The following OPRD1 variants were observed in gnomAD, a reference collection of about 807,000 sequenced individuals.
The protein encoded by OPRD1 is delta-type opioid receptor.
OPRD1 carries 19 observed loss-of-function variants against 17.5 expected under a neutral mutation model. The observed-to-expected ratio is 1.09, with a 90% CI of 0.76 to 1.60. The LOEUF (loss-of-function observed/expected upper bound fraction) is 1.60, where lower values mean the gene tolerates loss of function less well. OPRD1 is among the 40% of genes most tolerant of loss of function. The pLI, the probability that OPRD1 is intolerant of heterozygous loss-of-function variation, is 0.00. For missense variants in OPRD1, 483 were observed against 547.2 expected (o/e 0.88, Z 1.17); for synonymous variants, 256 against 240.9 (o/e 1.06, Z -0.58).
intron 1 of OPRD1, among the ~76,000 whole-genome samples, chr1:28,823,387 G>GTTTATTTATTTATTTA (rs3079037): frequency 1.8e-3 from 259 of 141,006 alleles, no homozygotes; most frequent in African/African-American, 3.9e-3. Flanking sequence ...TTATTTGTTT[G>GTTTATTTATTTATTTA]TTTATTTATT....
chr1:28,821,010 C>A (rs1295245952), intron 1 of OPRD1, among the ~76,000 whole-genome samples: 1 of 152,090 alleles, frequency 6.6e-6, no homozygotes, highest in African/African-American at 2.4e-5. Context: ...TATCCATAAT[C>A]CTACCACAGA....
Position 28,862,796 on chromosome 1 carries a change from C to A in OPRD1, c.632C>A (p.Thr211Lys), listed in dbSNP as rs1355470926. The stretch of plus-strand genomic sequence containing the variant: ...CCCAGCCCCAGCTGGTACTGGGACA[C>A]GGTGACCAAGATCTGCGTGTTCCTC... ...QFPSPSWYWD[T>K]VTKICVFLFA... The change falls in exon 3 of 3, where the codon ACG becomes AAG. Residue 211 changes from threonine (T) to lysine (K), a missense_variant. Coordinates refer to ENST00000234961, the MANE Select transcript of OPRD1 (RefSeq NM_000911.4). 2.5e-6 allele frequency: 4 copies of A among 1,613,288 alleles called. No individual in the cohort carries two copies. The highest frequency in any genetic ancestry group is 1.3e-5 in the African/African-American group (1 of 74,952).
chr1:28,825,382 C>G (rs1324134900), intron 1 of OPRD1, among the ~76,000 whole-genome samples: 5 of 151,598 alleles, frequency 3.3e-5, no homozygotes, highest in African/African-American at 1.2e-4. Context: ...CTTGGGAACA[C>G]AAGAAGTAGG....
chr1:28,846,858 C>CTT (rs367638096), intron 1 of OPRD1, among the ~76,000 whole-genome samples: 1 of 54,360 alleles, frequency 1.8e-5, no homozygotes, highest in Non-Finnish European at 4.3e-5. Context: ...TTCTTTCTTT[C>CTT]TTTCTTTCTT....
chr1:28,823,934 T>C (rs922921656), intron 1 of OPRD1, among the ~76,000 whole-genome samples: 3 of 146,208 alleles, frequency 2.1e-5, no homozygotes, highest in Non-Finnish European at 3.0e-5. Flanking sequence ...TCGCAGCACT[T>C]TGGGAGGCTG....
intron 1 of OPRD1, among the ~76,000 whole-genome samples, chr1:28,822,573 C>A (rs426997): frequency 2.6e-5 from 4 of 151,954 alleles, no homozygotes; most frequent in African/African-American, 9.7e-5. Context: ...CTCTGCTCCC[C>A]TGGGTTCAAG....
intron 1 of OPRD1, among the ~76,000 whole-genome samples, chr1:28,822,238 C>T (rs556099299): frequency 1.7e-4 from 26 of 152,080 alleles, no homozygotes; most frequent in South Asian, 2.1e-4. Context: ...TGTGAGCCAC[C>T]GCGCCCTGCT....
rs949452435 is a variant in OPRD1, at chr1:28,859,125, C to T, written c.399C>T (p.Phe133=). 7 of 1,614,122 alleles carry T rather than the reference C, an allele frequency of 4.3e-6. No individual in the cohort carries two copies. In the African/African-American group the frequency reaches 9.3e-5, roughly 22 times the overall value. The change falls in exon 2 of 3, where the codon TTC becomes TTT. Residue 133 remains phenylalanine (F), a synonymous_variant. Coordinates refer to ENST00000234961, the MANE Select transcript of OPRD1 (RefSeq NM_000911.4). ...AVLSIDYYNM[F]TSIFTLTMMS... is the part of the protein sequence containing the mutation. ...TCTCCATCGACTACTACAATATGTTCACCAGCATCTTCACGCTCACCATGA... is the reference window on the plus strand; with the variant it reads ...TCTCCATCGACTACTACAATATGTTTACCAGCATCTTCACGCTCACCATGA...
rs61593060 is a variant in OPRD1 at position 28,846,690 on chromosome 1, GAA to G, written c.228-12250_228-12249del. ...AGAGCAAGACTCTGTCTCAAAAAAA[GAA>G]AAAAAAAAAAAAAGAGAGAGAGAGA... On this transcript the variant is annotated intron_variant, in intron 1 of 2. Coordinates refer to ENST00000234961, the MANE Select transcript of OPRD1 (RefSeq NM_000911.4). 8.9e-4 allele frequency among the ~76,000 whole-genome samples: 101 copies of G among 114,094 alleles called. 1 individual carries two copies. The highest frequency in any genetic ancestry group is 1.9e-3 in the African/African-American group (59 of 31,408). 74.9% of individuals were successfully genotyped at this position (114,094 alleles called of 152,430 possible). A position where few individuals can be genotyped will look rare whatever the true frequency, so the allele number is the denominator to read the frequency against.
At chr1:28,819,574 T>G (rs2088695207) in intron 1 of OPRD1, among the ~76,000 whole-genome samples, 1 of 152,160 alleles carries the variant, frequency 6.6e-6, no homozygotes, top group African/African-American at 2.4e-5. Context: ...GAGGTTGAAG[T>G]ATGCAAGCTG....
At chr1:28,825,915 A>T (rs1443238735) in intron 1 of OPRD1, among the ~76,000 whole-genome samples, 1 of 152,186 alleles carries the variant, frequency 6.6e-6, no homozygotes, top group South Asian at 2.1e-4. Context: ...GAAAAACTCT[A>T]CATCATTGGG....
chr1:28,863,549 A>G lies in OPRD1; in HGVS notation c.*266A>G, dbSNP rs1226357833. ...GTCCACGGCTCTAGGTGGGGCGGGA[A>G]AGCCAGTGACTCCAGGAGAGGAGCG... On this transcript the variant is annotated 3_prime_UTR_variant, in exon 3 of 3. Transcript: ENST00000234961. 4.8e-6 allele frequency: 2 copies of G among 413,088 alleles called. No individual in the cohort carries two copies. The highest frequency in any genetic ancestry group is 8.5e-6 in the Non-Finnish European group (2 of 236,332). The allele number at this position is 413,088 out of a possible 1,614,324, so 25.6% of individuals were successfully genotyped here. A position where few individuals can be genotyped will look rare whatever the true frequency, so the allele number is the denominator to read the frequency against.
intron 1 of OPRD1, among the ~76,000 whole-genome samples, chr1:28,826,259 A>G (rs570645968): frequency 6.6e-6 from 1 of 152,304 alleles, no homozygotes; most frequent in East Asian, 1.9e-4. Flanking sequence ...GTGCTGACTC[A>G]TGCTTGTAAT....
In OPRD1 at chr1:28,862,684, G is replaced by A. The variant is rs1411214013; in HGVS notation, c.578-58G>A. On this transcript the variant is annotated intron_variant, in intron 2 of 2. Transcript: ENST00000234961. ...TGAAAGGGTGGGCAAGCAGGTGGGGGCCCCTTAGGCACACAGGCCCCTCAC... is the reference window on the plus strand; with the variant it reads ...TGAAAGGGTGGGCAAGCAGGTGGGGACCCCTTAGGCACACAGGCCCCTCAC... 4.6e-5 allele frequency: 69 copies of A among 1,507,546 alleles called. 1 individual carries two copies. Among genetic ancestry groups the A allele is most frequent in the Non-Finnish European group, 5.9e-5 (66 of 1,128,052 alleles). 93.4% of individuals were successfully genotyped at this position (1,507,546 alleles called of 1,614,324 possible). A position where few individuals can be genotyped will look rare whatever the true frequency, so the allele number is the denominator to read the frequency against.
intron 2 of OPRD1, among the ~76,000 whole-genome samples, chr1:28,862,391 T>C (rs2089131441): frequency 6.6e-6 from 1 of 152,110 alleles, no homozygotes; most frequent in Non-Finnish European, 1.5e-5. Context: ...TGGAGCTAGT[T>C]TGGAAATGGG....
intron 1 of OPRD1, among the ~76,000 whole-genome samples, chr1:28,825,474 C>T (rs931978082): frequency 6.6e-6 from 1 of 152,070 alleles, no homozygotes; most frequent in East Asian, 1.9e-4. Flanking sequence ...CAACCTCCAC[C>T]TCCCGGGTTC....
intron 1 of OPRD1, among the ~76,000 whole-genome samples, chr1:28,846,990 TTTC>T (rs1235272805): frequency 6.6e-6 from 1 of 150,962 alleles, no homozygotes; most frequent in Non-Finnish European, 1.5e-5. Flanking sequence ...CTTTCTTTAC[TTTC>T]TTCCTTTCCC....
chr1:28,831,242 T>C (rs1329878159), intron 1 of OPRD1, among the ~76,000 whole-genome samples: 2 of 152,196 alleles, frequency 1.3e-5, no homozygotes, highest in Admixed American at 6.5e-5. Flanking sequence ...CCTGGTGTGG[T>C]GGCTCACACC....
chr1:28,855,301 G>A (rs779345561), intron 1 of OPRD1, among the ~76,000 whole-genome samples: 6 of 152,154 alleles, frequency 3.9e-5, no homozygotes, highest in Admixed American at 1.3e-4. Context: ...CAGAGGCCCC[G>A]AAGTGGGGAG....
Sources: gnomAD v4.1 joint callset for allele counts (sites outside exome capture counted in the v4.1 genomes callset) on GRCh38, gnomAD v4.1.1 for gene constraint, MANE v1.5 for transcripts, NCBI Gene and HGNC (gene_info 2026-07-23, HGNC 2026-07-21) for gene names.